TTC28: variants seen among roughly 807,000 people sequenced by gnomAD.
The protein encoded by TTC28 is tetratricopeptide repeat domain 28, also known as tetratricopeptide repeat protein 28.
In TTC28, 61 loss-of-function variants were observed where a neutral mutation model predicts 198.0. The ratio of observed to expected loss-of-function variants is 0.31; its 90% CI spans 0.25 to 0.38. TTC28 has a LOEUF of 0.38. Among genes scored for constraint, TTC28 ranks in the 10% least tolerant of loss-of-function variants. The pLI is 1.00. For synonymous variants in TTC28, 1,171 were observed against 1,297.8 expected (o/e 0.90, Z 2.10); for missense variants, 2,678 against 3,164.0 (o/e 0.85, Z 3.69).
chr22:28,356,734 G>T (rs1289340256), intron 2 of TTC28, among the ~76,000 whole-genome samples: 1 of 151,302 alleles, frequency 6.6e-6, no homozygotes, highest in Admixed American at 6.6e-5. Context: ...GTAGGCACAG[G>T]GGAGTGGGCA....
At chr22:28,397,975 C>CA (rs2146091156) in intron 2 of TTC28, among the ~76,000 whole-genome samples, 1 of 152,274 alleles carries the variant, frequency 6.6e-6, no homozygotes, top group South Asian at 2.1e-4. Flanking sequence ...ATTTATTAAT[C>CA]AGGTCTGAAC....
intron 6 of TTC28, among the ~76,000 whole-genome samples, chr22:28,159,736 A>C (rs1376747685): frequency 2.0e-5 from 3 of 152,120 alleles, no homozygotes; most frequent in Admixed American, 2.0e-4. Context: ...AAGAAAGGAA[A>C]TCAGTATGTC....
chr22:28,501,631 T>G (rs7291268), intron 2 of TTC28, among the ~76,000 whole-genome samples: 2 of 152,102 alleles, frequency 1.3e-5, no homozygotes, highest in Non-Finnish European at 2.9e-5. Context: ...TTACACATTC[T>G]AGGCATGTAA....
intron 12 of TTC28, among the ~76,000 whole-genome samples, chr22:28,032,320 A>G (rs1193063583): frequency 1.8e-4 from 26 of 143,910 alleles, no homozygotes; most frequent in Non-Finnish European, 2.9e-4. Flanking sequence ...GTATATATAT[A>G]TCTCTTTTAT....
At chr22:28,383,429 T>C (rs1219373226) in intron 2 of TTC28, among the ~76,000 whole-genome samples, 4 of 152,210 alleles carry the variant, frequency 2.6e-5, no homozygotes, top group East Asian at 1.9e-4. Context: ...GGTTATAATA[T>C]ACATCTCACA....
At chr22:28,669,716 T>C (rs919112077) in intron 1 of TTC28, among the ~76,000 whole-genome samples, 1 of 152,196 alleles carries the variant, frequency 6.6e-6, no homozygotes, top group Non-Finnish European at 1.5e-5. Context: ...CTTAACATGT[T>C]CACATTACTT....
At chr22:28,374,582 C>T (rs1204209240) in intron 2 of TTC28, among the ~76,000 whole-genome samples, 1 of 152,150 alleles carries the variant, frequency 6.6e-6, no homozygotes, top group African/African-American at 2.4e-5. Context: ...GCTATTTAGC[C>T]TTGAGTTCAT....
intron 2 of TTC28, among the ~76,000 whole-genome samples, chr22:28,334,606 T>G (rs2045676053): frequency 6.6e-6 from 1 of 152,232 alleles, no homozygotes; most frequent in Admixed American, 6.5e-5. Context: ...TGGCCAGTGA[T>G]GGTGAGCATT....
At position 28,287,651 on chromosome 22, in the gene TTC28, G is replaced by C. The variant is rs535237661; in HGVS notation, c.933+8547C>G. ...GTAGACTTGCATAAACAGATTAAAA[G>C]GTGTACAATATACAGAGTAGTTGAA... On this transcript the variant is annotated intron_variant, in intron 5 of 22. Coordinates refer to ENST00000397906, the MANE Select transcript of TTC28 (RefSeq NM_001145418.2). Among the ~76,000 whole-genome samples, 22 of 152,186 alleles carry C rather than the reference G, an allele frequency of 1.4e-4. No individual in the cohort carries two copies. The South Asian group carries it at 4.0e-3, about 27-fold the overall frequency.
intron 2 of TTC28, among the ~76,000 whole-genome samples, chr22:28,457,917 A>G (rs1408428074): frequency 6.6e-6 from 1 of 152,172 alleles, no homozygotes; most frequent in Non-Finnish European, 1.5e-5. Context: ...ATTCCCTTTT[A>G]TAACTCTAAA....
chr22:28,267,056 A>G (rs1243880620), intron 5 of TTC28, among the ~76,000 whole-genome samples: 1 of 152,208 alleles, frequency 6.6e-6, no homozygotes, highest in Non-Finnish European at 1.5e-5. Flanking sequence ...ATTAGAAGGC[A>G]TCAACAATAT....
chr22:28,326,975 A>C (rs916484334), intron 2 of TTC28, among the ~76,000 whole-genome samples: 38 of 142,918 alleles, frequency 2.7e-4, no homozygotes, highest in African/African-American at 9.1e-4. Flanking sequence ...CACAAACACA[A>C]ACACACACAC....
chr22:28,482,948 A>G (rs2048272382), intron 2 of TTC28, among the ~76,000 whole-genome samples: 1 of 152,160 alleles, frequency 6.6e-6, no homozygotes, highest in Non-Finnish European at 1.5e-5. Context: ...ATAGGTATAT[A>G]CCACAATTTG....
intron 2 of TTC28, among the ~76,000 whole-genome samples, chr22:28,554,038 C>A (rs1430094200): frequency 1.3e-5 from 2 of 152,066 alleles, no homozygotes; most frequent in African/African-American, 2.4e-5. Context: ...AAGAAAAATT[C>A]TTCTGCCTTG....
intron 2 of TTC28, among the ~76,000 whole-genome samples, chr22:28,561,651 T>G (rs193099524): frequency 6.6e-6 from 1 of 152,258 alleles, no homozygotes; most frequent in East Asian, 1.9e-4. Context: ...TTAACATGAA[T>G]TATAAAACCC....
chr22:28,629,751 T>C lies in TTC28; in HGVS notation c.182A>G (p.Lys61Arg). ...ACAGGCCTGATTACTCTGACGAACT[T>C]TCTCAACAAATTCAGCTTTGCTCAG... Reference protein sequence around the residue: ...PVLSKAEFVEKVRQSNQACHD... With the variant: ...PVLSKAEFVERVRQSNQACHD... The change falls in exon 2 of 23, where the codon AAA becomes AGA. Residue 61 changes from lysine to arginine, a missense_variant. Lys to Arg is a conservative substitution (Grantham distance 26). Around this residue, in one of 8 missense-constraint regions of TTC28, gnomAD observed 176 missense variants for 197.9 expected, o/e 0.89. Transcript: ENST00000397906. The C allele has an allele frequency of 6.4e-7, 1 of 1,551,706 alleles. No individual in the cohort carries two copies. The highest frequency in any genetic ancestry group is 8.7e-7 in the Non-Finnish European group (1 of 1,146,988).
intron 5 of TTC28, among the ~76,000 whole-genome samples, chr22:28,262,463 A>AT (rs1347357584): frequency 2.0e-5 from 3 of 152,166 alleles, no homozygotes; most frequent in Non-Finnish European, 4.4e-5. Flanking sequence ...TATATTCATC[A>AT]TCCAATTTGT....
chr22:28,338,308 A>G (rs1208868445), intron 2 of TTC28, among the ~76,000 whole-genome samples: 1 of 151,996 alleles, frequency 6.6e-6, no homozygotes, highest in Non-Finnish European at 1.5e-5. Flanking sequence ...GAATCTGACA[A>G]TTATGTGTCT....
chr22:28,529,377 T>A (rs1017494995), intron 2 of TTC28, among the ~76,000 whole-genome samples: 2 of 152,212 alleles, frequency 1.3e-5, no homozygotes, highest in Non-Finnish European at 2.9e-5. Flanking sequence ...CCACCATTGC[T>A]GAGGCTTGGG....
Sources: allele counts gnomAD v4.1 joint callset (sites outside exome capture counted in the v4.1 genomes callset), GRCh38; gene constraint gnomAD v4.1.1; regional missense constraint gnomAD v4.1.1; transcripts MANE v1.5; gene names NCBI Gene and HGNC (gene_info 2026-07-23, HGNC 2026-07-21).